The following GATA4 variants were observed in gnomAD, a reference collection of about 807,000 sequenced individuals.
GATA4 encodes the protein GATA binding protein 4, also known as transcription factor GATA-4.
Under a neutral mutation model 37.9 loss-of-function variants are expected in GATA4, and 7 were observed. The observed-to-expected ratio is 0.18, with a 90% CI of 0.11 to 0.35. GATA4 has a LOEUF of 0.35. Among genes scored for constraint, GATA4 ranks in the 10% least tolerant of loss-of-function variants. The pLI is 1.00. For synonymous variants in GATA4, 372 were observed against 292.6 expected, an observed-to-expected ratio of 1.27 and a Z score of -2.77; for missense variants, 647 against 653.0, an observed-to-expected ratio of 0.99 and a Z score of 0.10.
intron 2 of GATA4, among the ~76,000 whole-genome samples, chr8:11,736,634 A>C (rs1022056913): frequency 2.0e-5 from 3 of 152,354 alleles, no homozygotes; most frequent in Admixed American, 2.0e-4. Flanking sequence ...TGGTGGGCAG[A>C]AGGCGGAGCC....
intron 2 of GATA4, among the ~76,000 whole-genome samples, chr8:11,735,071 T>C (rs1485111542): frequency 5.9e-5 from 9 of 152,222 alleles, no homozygotes; most frequent in Non-Finnish European, 1.3e-4. Flanking sequence ...GAGACTGGAA[T>C]TGTGGGTTAC....
chr8:11,757,900 G>A (rs959555787), intron 6 of GATA4, among the ~76,000 whole-genome samples: 1 of 152,218 alleles, frequency 6.6e-6, no homozygotes, highest in Non-Finnish European at 1.5e-5. Context: ...TATTGTCTGG[G>A]AGAACCTGAT....
chr8:11,726,469 G>T (rs921036925), intron 2 of GATA4, among the ~76,000 whole-genome samples: 1 of 152,218 alleles, frequency 6.6e-6, no homozygotes, highest in African/African-American at 2.4e-5. Flanking sequence ...GACCTCTTGG[G>T]TCTGAGGCAG....
rs187858288 is a variant in GATA4, at chr8:11,726,880, A to C, written c.616+17952A>C. On this transcript the variant is annotated intron_variant, in intron 2 of 6. Transcript: ENST00000532059. ...CAGTGTTCTGGACCTGGAGCAGATG[A>C]CTCACAATCTTTCCCTGCCAGCTTG... Among the ~76,000 whole-genome samples the C allele has an allele frequency of 9.5e-4, 145 of 151,900 alleles. 1 individual carries two copies. The highest frequency in any genetic ancestry group is 3.4e-3 in the African/African-American group (139 of 41,420).
At chr8:11,705,941 T>A (rs929952681) in intron 1 of GATA4, 7 of 152,228 alleles carry the variant, frequency 4.6e-5, no homozygotes, top group Non-Finnish European at 8.8e-5. Flanking sequence ...TTACATTATC[T>A]TGAAGAACTG....
At chr8:11,682,555 T>G (rs1799004725) in intron 1 of GATA4, among the ~76,000 whole-genome samples, 1 of 152,236 alleles carries the variant, frequency 6.6e-6, no homozygotes, top group Non-Finnish European at 1.5e-5. Flanking sequence ...AGATTTTGCT[T>G]GTAAGAAGTT....
chr8:11,679,219 G>C (rs566127769), intron 1 of GATA4, among the ~76,000 whole-genome samples: 2 of 151,068 alleles, frequency 1.3e-5, no homozygotes, highest in East Asian at 3.9e-4. Flanking sequence ...AGATAAAAGA[G>C]CGACACAGGA....
At chr8:11,689,207 G>A (rs973800812), upstream of GATA4, among the ~76,000 whole-genome samples, 1 of 152,128 alleles carries the variant, frequency 6.6e-6, no homozygotes. Flanking sequence ...TTATTTCTGG[G>A]CCCTGCATCT....
intron 2 of GATA4, among the ~76,000 whole-genome samples, chr8:11,710,426 A>G (rs1211250660): frequency 1.3e-5 from 2 of 151,652 alleles, no homozygotes; most frequent in African/African-American, 2.4e-5. Context: ...GGTCCTCTCC[A>G]GGGCCCTCTG....
At chr8:11,732,810 A>T (rs1175997648) in intron 2 of GATA4, among the ~76,000 whole-genome samples, 1 of 152,222 alleles carries the variant, frequency 6.6e-6, no homozygotes, top group African/African-American at 2.4e-5. Flanking sequence ...TAAAACTTTT[A>T]TCTGCAGTGA....
Position 11,742,370 on chromosome 8 carries a change from GT to G in GATA4, c.617-6541del, listed in dbSNP as rs1267200794. ...TACGTTCCCCCCTCCCTCCGTTCTT[GT>G]TTTTGGTGTTTTGTTTTTTTTTTTT... On this transcript the variant is annotated intron_variant, in intron 2 of 6. Transcript: ENST00000532059. 1.5e-4 allele frequency among the ~76,000 whole-genome samples: 20 copies of G among 132,816 alleles called. No homozygotes were observed. The South Asian group carries it at 4.6e-3, about 30-fold the overall frequency. The allele number at this position is 132,816 out of a possible 152,430, so 87.1% of individuals were successfully genotyped here.
intron 2 of GATA4, among the ~76,000 whole-genome samples, chr8:11,711,541 G>T (rs1295642307): frequency 6.6e-6 from 1 of 152,132 alleles, no homozygotes; most frequent in African/African-American, 2.4e-5. Flanking sequence ...ACTTTGGGAG[G>T]CTGAGGCAGG....
At position 11,748,916 on chromosome 8, in the gene GATA4, T is replaced by C; in HGVS notation, c.617T>C (p.Val206Ala). 5 of 1,614,202 alleles carry C rather than the reference T, an allele frequency of 3.1e-6. No individual in the cohort carries two copies. The highest frequency in any genetic ancestry group is 1.3e-5 in the African/African-American group (1 of 75,048). The change falls in exon 3 of 7, where the codon GTA becomes GCA. Residue 206 changes from valine (V) to alanine (A), a missense_variant and splice_region_variant. Around this residue, in one of 5 missense-constraint regions of GATA4, gnomAD observed 379 missense variants for 334.5 expected, o/e 1.13. Transcript: ENST00000532059. ...TTCTTGTCTGTTCCCCCCAACTCAG[T>C]AGATATGTTTGACGACTTCTCAGAA... is the stretch of plus-strand genomic sequence containing the variant. Reference protein sequence around the residue: ...ANPAARHPNLVDMFDDFSEGR... With the variant: ...ANPAARHPNLADMFDDFSEGR...
At position 11,742,768 on chromosome 8, in the gene GATA4, C is replaced by T. The variant is rs531203266; in HGVS notation, c.617-6148C>T. On this transcript the variant is annotated intron_variant, in intron 2 of 6. Coordinates refer to ENST00000532059, the MANE Select transcript of GATA4 (RefSeq NM_001308093.3). The stretch of plus-strand genomic sequence containing the variant: ...AAAACCTCAGGCTTTGTTTGGGCCT[C>T]GTGCCCCACACCCAGGCGCCAGCCG... 2.6e-4 allele frequency among the ~76,000 whole-genome samples: 40 copies of T among 152,386 alleles called. 1 individual carries two copies. Among genetic ancestry groups the T allele is most frequent in the African/African-American group, 9.1e-4 (38 of 41,592 alleles).
At position 11,748,983 on chromosome 8, in the gene GATA4, C is replaced by G. The variant is rs1563227410; in HGVS notation, c.684C>G (p.Leu228=). The G allele has an allele frequency of 2.5e-6, 4 of 1,614,230 alleles. No homozygotes were observed. Among genetic ancestry groups the G allele is most frequent in the Non-Finnish European group, 2.5e-6 (3 of 1,180,028 alleles). ...CVNCGAMSTP[L]WRRDGTGHYL... ...ACTGTGGGGCTATGTCCACCCCGCTCTGGAGGCGAGATGGGACGGGTCACT... is the reference window on the plus strand; with the variant it reads ...ACTGTGGGGCTATGTCCACCCCGCTGTGGAGGCGAGATGGGACGGGTCACT... The change falls in exon 3 of 7, where the codon CTC becomes CTG. Residue 228 remains leucine (L), a synonymous_variant. Coordinates refer to ENST00000532059, the MANE Select transcript of GATA4 (RefSeq NM_001308093.3).
At chr8:11,677,333 GTCCC>G (rs560303096) in intron 1 of GATA4, among the ~76,000 whole-genome samples, 10 of 152,172 alleles carry the variant, frequency 6.6e-5, no homozygotes, top group Non-Finnish European at 1.5e-4. Context: ...TTCTTTCTGT[GTCCC>G]TCCTTCTTCC....
intron 6 of GATA4, 89 bp downstream of exon 6, chr8:11,757,172 C>G: frequency 7.7e-6 from 12 of 1,555,862 alleles, no homozygotes; most frequent in Non-Finnish European, 8.7e-6. Context: ...GTGGGACTTG[C>G]AGCCAGGCCT....
intron 2 of GATA4, among the ~76,000 whole-genome samples, chr8:11,725,942 T>C (rs1166952697): frequency 6.6e-6 from 1 of 152,230 alleles, no homozygotes; most frequent in African/African-American, 2.4e-5. Context: ...CCAGCCACAA[T>C]TCCTGAGCGT....
chr8:11,746,481 C>T (rs960499464), intron 2 of GATA4, among the ~76,000 whole-genome samples: 1 of 152,180 alleles, frequency 6.6e-6, no homozygotes, highest in African/African-American at 2.4e-5. Flanking sequence ...GGCTAGACCG[C>T]GTGTCTTGGT....
Sources: gnomAD v4.1 joint callset for allele counts (sites outside exome capture counted in the v4.1 genomes callset) on GRCh38, gnomAD v4.1.1 for gene constraint, gnomAD v4.1.1 regional missense constraint, MANE v1.5 for transcripts, NCBI Gene and HGNC (gene_info 2026-07-23, HGNC 2026-07-21) for gene names.